Variants in ABCD2 observed in about 807,000 individuals in gnomAD.
The protein encoded by ABCD2 is ATP-binding cassette sub-family D member 2.
A neutral mutation model predicts 70.9 loss-of-function variants in ABCD2; 36 were observed. The observed-to-expected ratio is 0.51, with a 90% CI of 0.39 to 0.67. The LOEUF (loss-of-function observed/expected upper bound fraction) is 0.67. Ranked by LOEUF, ABCD2 falls within the 30% of genes least tolerant of loss-of-function variation. The pLI is 0.00. For synonymous variants in ABCD2, 304 were observed against 306.9 expected (o/e 0.99, Z 0.10); for missense variants, 729 against 890.2 (o/e 0.82, Z 2.30).
intron 2 of ABCD2, 50 bp from the exon 3 acceptor site, chr12:39,607,764 T>C: frequency 1.6e-6 from 2 of 1,225,782 alleles, no homozygotes; most frequent in Non-Finnish European, 2.3e-6. Context: ...TTTTTTTTTT[T>C]TAGTAACTTA....
rs548426445 is a variant in ABCD2, at chr12:39,580,200, C to T, written c.1793-581G>A. Among the ~76,000 whole-genome samples, 15 of 152,258 alleles carry T rather than the reference C, an allele frequency of 9.9e-5. No homozygotes were observed. In the South Asian group the frequency reaches 1.0e-3, roughly 11 times the overall value. On this transcript the variant is annotated intron_variant, in intron 7 of 9. Coordinates refer to ENST00000308666, the MANE Select transcript of ABCD2 (RefSeq NM_005164.4). The stretch of plus-strand genomic sequence containing the variant: ...GAGCTATTTACCCTCCTCAGCCTTC[C>T]AAAGTGCTGGGACTACAGGTGTGAG...
intron 1 of ABCD2, among the ~76,000 whole-genome samples, chr12:39,617,927 G>A (rs1942139055): frequency 6.6e-6 from 1 of 151,884 alleles, no homozygotes; most frequent in African/African-American, 2.4e-5. Flanking sequence ...GTATAATTGG[G>A]CTAATTGTTT....
chr12:39,534,883 G>GGAAAGAAA, the ABCD2 span, among the ~76,000 whole-genome samples: 582 of 122,852 alleles, frequency 4.7e-3, 5 homozygotes, highest in East Asian at 9.7e-3. Context: ...AAGGAAGGAA[G>GGAAAGAAA]GAAAGAAAGA....
chr12:39,565,097 G>A (rs571987320), intron 9 of ABCD2, among the ~76,000 whole-genome samples: 10 of 152,242 alleles, frequency 6.6e-5, no homozygotes, highest in South Asian at 2.1e-4. Flanking sequence ...GCTTAGGATC[G>A]ACTTGGCAAT....
At position 39,552,666 on chromosome 12, in the gene ABCD2, T is replaced by C. The variant is rs1238656231; in HGVS notation, c.*1246A>G. ...ATTTACTAACTTTCTCATTTCATTTTAAGCCGCAGAACAATGATCTTTGCA... is the reference window on the plus strand; with the variant it reads ...ATTTACTAACTTTCTCATTTCATTTCAAGCCGCAGAACAATGATCTTTGCA... On this transcript the variant is annotated 3_prime_UTR_variant, in exon 10 of 10. Coordinates refer to ENST00000308666, the MANE Select transcript of ABCD2 (RefSeq NM_005164.4). 1 of 151,992 alleles carries C rather than the reference T, an allele frequency of 6.6e-6. No homozygotes were observed. Among genetic ancestry groups the C allele is most frequent in the Non-Finnish European group, 1.5e-5 (1 of 67,870 alleles). 9.4% of individuals were successfully genotyped at this position (151,992 alleles called of 1,614,324 possible). A position where few individuals can be genotyped will look rare whatever the true frequency, so the allele number is the denominator to read the frequency against.
chr12:39,548,923 T>C (rs1421807132), downstream of ABCD2, among the ~76,000 whole-genome samples: 1 of 152,004 alleles, frequency 6.6e-6, no homozygotes, highest in Non-Finnish European at 1.5e-5. Context: ...TTATGTAACT[T>C]TAAATATTAT....
At chr12:39,607,492 A>T (rs1941984450) in intron 3 of ABCD2, 107 bp downstream of exon 3, 3 of 888,840 alleles carry the variant, frequency 3.4e-6, no homozygotes, top group Non-Finnish European at 5.2e-6. Context: ...AATTTTTGGC[A>T]GAGAAAAGAT....
chr12:39,601,487 T>C (rs919976485), intron 5 of ABCD2, among the ~76,000 whole-genome samples: 3 of 152,042 alleles, frequency 2.0e-5, no homozygotes, highest in Admixed American at 6.6e-5. Flanking sequence ...ATTTAAACTG[T>C]TTAATTTCAT....
intron 1 of ABCD2, among the ~76,000 whole-genome samples, chr12:39,617,399 T>A (rs1349747719): frequency 6.6e-6 from 1 of 152,130 alleles, no homozygotes; most frequent in Non-Finnish European, 1.5e-5. Context: ...GTTATGATAT[T>A]TAAATTTTAT....
chr12:39,592,044 G>C (rs1403883980), intron 6 of ABCD2, among the ~76,000 whole-genome samples: 1 of 152,076 alleles, frequency 6.6e-6, no homozygotes, highest in Non-Finnish European at 1.5e-5. Flanking sequence ...TACATTTATA[G>C]ATCTCTTTAA....
chr12:39,571,122 G>A (rs1053621569), intron 9 of ABCD2, among the ~76,000 whole-genome samples: 1 of 152,096 alleles, frequency 6.6e-6, no homozygotes, highest in Non-Finnish European at 1.5e-5. Context: ...ACCTTTGGTG[G>A]GAATATAAAT....
chr12:39,612,627 G>A (rs1165718205), intron 2 of ABCD2, among the ~76,000 whole-genome samples: 1 of 152,152 alleles, frequency 6.6e-6, no homozygotes, highest in Non-Finnish European at 1.5e-5. Flanking sequence ...AACAATTGTA[G>A]TCACTTTTAT....
At chr12:39,604,955 A>G in intron 3 of ABCD2, 25 bp from the exon 4 acceptor site, 1 of 1,533,520 alleles carries the variant, frequency 6.5e-7, no homozygotes, top group Non-Finnish European at 8.7e-7. Context: ...GAGATATAAA[A>G]TAGAGTTACT....
chr12:39,573,818 T>C lies in ABCD2; in HGVS notation c.1901A>G (p.Glu634Gly). The change falls in exon 9 of 10, where the codon GAA (glutamate) becomes GGA (glycine). Residue 634 changes from glutamate (E) to glycine (G), a missense_variant. By Grantham distance (98) the Glu-to-Gly change is moderately conservative. Around this residue, in one of 3 missense-constraint regions of ABCD2, gnomAD observed 289 missense variants for 328.8 expected, o/e 0.88. Transcript: ENST00000308666. ...YHKPKYALLD[E>G]CTSAVSIDVE... Reference sequence around the variant, plus strand: ...ATCAATGCTGACAGCACTGGTACATTCATCCAGCAAGGCATATTTTGGTCT... The same window carrying C: ...ATCAATGCTGACAGCACTGGTACATCCATCCAGCAAGGCATATTTTGGTCT... The C allele has an allele frequency of 6.2e-7, 1 of 1,612,260 alleles. No homozygotes were observed. Among genetic ancestry groups the C allele is most frequent in the Non-Finnish European group, 8.5e-7 (1 of 1,178,972 alleles).
chr12:39,551,624 T>C lies in ABCD2; in HGVS notation c.*2288A>G, dbSNP rs973072664. The stretch of plus-strand genomic sequence containing the variant: ...GCACAAAAAGCTCATGGAAAACATG[T>C]GCATATTAGAACTTTAACATTTAAA... On this transcript the variant is annotated 3_prime_UTR_variant, in exon 10 of 10. Coordinates refer to ENST00000308666, the MANE Select transcript of ABCD2 (RefSeq NM_005164.4). 2.0e-5 allele frequency: 3 copies of C among 151,916 alleles called. No homozygotes were observed. Among genetic ancestry groups the C allele is most frequent in the Non-Finnish European group, 3.0e-5 (2 of 67,710 alleles). 9.4% of individuals were successfully genotyped at this position (151,916 alleles called of 1,614,324 possible). A position where few individuals can be genotyped will look rare whatever the true frequency, so the allele number is the denominator to read the frequency against.
chr12:39,544,194 G>A, the ABCD2 span, among the ~76,000 whole-genome samples: 8 of 152,212 alleles, frequency 5.3e-5, no homozygotes, highest in South Asian at 1.5e-3. Flanking sequence ...TCATAGAGTC[G>A]AAGCTATCTT....
rs142601254 is a variant in ABCD2, at chr12:39,619,250, G to C, written c.366C>G (p.Ile122Met). 38 of 1,614,114 alleles carry C rather than the reference G, an allele frequency of 2.4e-5. No individual in the cohort carries two copies. In the African/African-American group the frequency reaches 3.5e-4, roughly 15 times the overall value. Residue 122 changes from isoleucine to methionine, a missense_variant, in exon 1 of 10, where the codon ATC becomes ATG. Coordinates refer to ENST00000308666, the MANE Select transcript of ABCD2 (RefSeq NM_005164.4). ...TTTTTCCATCCAGACCAGCCACATAGATAGAAAGAAAGGTTCTTGAGATTA... is the reference window on the plus strand; with the variant it reads ...TTTTTCCATCCAGACCAGCCACATACATAGAAAGAAAGGTTCTTGAGATTA... ...VALISRTFLS[I>M]YVAGLDGKIV...
At chr12:39,534,868 AAAGG>A in the ABCD2 span, among the ~76,000 whole-genome samples, 8 of 145,470 alleles carry the variant, frequency 5.5e-5, no homozygotes, top group East Asian at 4.2e-4. Flanking sequence ...GAAAGAAAGA[AAAGG>A]AAGGAAGGAA....
rs188307873 is a variant in ABCD2 at position 39,585,270 on chromosome 12, T to C, written c.1792+882A>G. ...TGTATTCCTAGGTATTTCATTCTTT[T>C]TGTGGCAATTGTGAAGGGGATTGCC... On this transcript the variant is annotated intron_variant, in intron 7 of 9. Transcript: ENST00000308666. 2.3e-3 allele frequency among the ~76,000 whole-genome samples: 355 copies of C among 152,312 alleles called. 2 individuals carry two copies. Among genetic ancestry groups the C allele is most frequent in the Non-Finnish European group, 4.0e-3 (270 of 68,014 alleles).
Sources: gnomAD v4.1 joint callset for allele counts (sites outside exome capture counted in the v4.1 genomes callset) on GRCh38, gnomAD v4.1.1 for gene constraint, gnomAD v4.1.1 regional missense constraint, MANE v1.5 for transcripts, NCBI Gene and HGNC (gene_info 2026-07-23, HGNC 2026-07-21) for gene names.